The following PIP4P2 variants were observed in gnomAD, a reference collection of about 807,000 sequenced individuals.
PIP4P2 encodes phosphatidylinositol-4,5-bisphosphate 4-phosphatase 2, also known as type 2 phosphatidylinositol 4,5-bisphosphate 4-phosphatase.
PIP4P2 carries 19 observed loss-of-function variants against 33.3 expected under a neutral mutation model. That is an observed-to-expected ratio of 0.57 (90% CI 0.40 to 0.84). The LOEUF (loss-of-function observed/expected upper bound fraction) is 0.84. PIP4P2 is among the 40% of genes least tolerant of loss of function. PIP4P2 has a pLI of 0.00. For missense variants in PIP4P2, 270 were observed against 324.7 expected (o/e 0.83, Z 1.29); for synonymous variants, 110 against 111.9 (o/e 0.98, Z 0.11).
chr8:91,003,158 T>C (rs1811722007), intron 5 of PIP4P2, among the ~76,000 whole-genome samples: 1 of 152,186 alleles, frequency 6.6e-6, no homozygotes, highest in Admixed American at 6.6e-5. Context: ...CACAACTGTA[T>C]GCCATGGCTA....
intron 6 of PIP4P2, 25 bp downstream of exon 6, chr8:90,996,629 T>C (rs1004642156): frequency 1.1e-5 from 17 of 1,581,084 alleles, no homozygotes; most frequent in Non-Finnish European, 1.2e-5. Context: ...AGGACAGAAT[T>C]CTAACATCAA....
intron 5 of PIP4P2, among the ~76,000 whole-genome samples, chr8:90,997,779 A>G (rs1451425100): frequency 6.6e-6 from 1 of 152,108 alleles, no homozygotes; most frequent in Non-Finnish European, 1.5e-5. Flanking sequence ...CCTCTCAAAG[A>G]ATGTCTGATG....
intron 4 of PIP4P2, among the ~76,000 whole-genome samples, chr8:91,015,228 C>A (rs1384751938): frequency 6.6e-6 from 1 of 152,036 alleles, no homozygotes; most frequent in Admixed American, 6.6e-5. Flanking sequence ...AGGATCTTTC[C>A]CCAGAGAAAT....
intron 1 of PIP4P2, among the ~76,000 whole-genome samples, chr8:91,033,404 G>A: frequency 6.6e-6 from 1 of 151,964 alleles, no homozygotes; most frequent in Non-Finnish European, 1.5e-5. Flanking sequence ...TCTTTTCACT[G>A]ACTCAACCCA....
intron 1 of PIP4P2, among the ~76,000 whole-genome samples, chr8:91,031,317 A>T (rs549218190): frequency 6.6e-6 from 1 of 152,232 alleles, no homozygotes; most frequent in Non-Finnish European, 1.5e-5. Flanking sequence ...GATATGTCCA[A>T]TGGTCTAAAA....
chr8:91,016,505 G>T (rs556379353), intron 4 of PIP4P2: 13 of 152,212 alleles, frequency 8.5e-5, no homozygotes, highest in Non-Finnish European at 7.4e-5. Context: ...CATCAACAAT[G>T]GAACAAAGAC....
chr8:91,002,810 C>T (rs1811716243), intron 5 of PIP4P2, among the ~76,000 whole-genome samples: 1 of 152,104 alleles, frequency 6.6e-6, no homozygotes, highest in Non-Finnish European at 1.5e-5. Context: ...GTAGCCAGGC[C>T]ATTCTAGGTC....
At chr8:91,009,018 G>T (rs777835810) in intron 4 of PIP4P2, among the ~76,000 whole-genome samples, 2 of 151,972 alleles carry the variant, frequency 1.3e-5, no homozygotes, top group Non-Finnish European at 2.9e-5. Context: ...ATGCTCTGAC[G>T]CAATCTAGGT....
At position 90,995,491 on chromosome 8, in the gene PIP4P2, G is replaced by C; in HGVS notation, c.*186C>G. The C allele has an allele frequency of 1.8e-6, 1 of 551,508 alleles. No individual in the cohort carries two copies. Among genetic ancestry groups the C allele is most frequent in the Non-Finnish European group, 2.7e-6 (1 of 371,134 alleles). 34.2% of individuals were successfully genotyped at this position (551,508 alleles called of 1,614,324 possible). On this transcript the variant is annotated 3_prime_UTR_variant, in exon 7 of 7. Transcript: ENST00000285419. ...TTATTATTCAAATTTTGAAAACCTAGCAGCAAAACAATTTGCATATAATAT... is the reference window on the plus strand; with the variant it reads ...TTATTATTCAAATTTTGAAAACCTACCAGCAAAACAATTTGCATATAATAT...
At chr8:91,012,043 T>G (rs187378274) in intron 4 of PIP4P2, among the ~76,000 whole-genome samples, 394 of 152,112 alleles carry the variant, frequency 2.6e-3, no homozygotes, top group Admixed American at 5.8e-3. Flanking sequence ...AGCTCATTAT[T>G]TCAGGAAAAG....
chr8:91,016,806 G>A (rs1811921301), intron 4 of PIP4P2: 1 of 152,156 alleles, frequency 6.6e-6, no homozygotes, highest in African/African-American at 2.4e-5. Flanking sequence ...GCCTAAATAA[G>A]AGATTCCTTG....
intron 4 of PIP4P2, among the ~76,000 whole-genome samples, chr8:91,014,856 T>C (rs889208654): frequency 1.3e-5 from 2 of 151,680 alleles, no homozygotes; most frequent in African/African-American, 4.8e-5. Context: ...CATTTCACAG[T>C]ATAGACGTAT....
chr8:91,033,206 C>A (rs1249556991), intron 1 of PIP4P2, among the ~76,000 whole-genome samples: 1 of 152,164 alleles, frequency 6.6e-6, no homozygotes, highest in Non-Finnish European at 1.5e-5. Flanking sequence ...CAACAAACTG[C>A]CTAATTCACA....
intron 3 of PIP4P2, among the ~76,000 whole-genome samples, chr8:91,019,385 C>T (rs1466893246): frequency 1.0e-5 from 1 of 98,324 alleles, no homozygotes; most frequent in East Asian, 2.5e-4. Context: ...ATGGTGAAAC[C>T]CTGTCTCTAC....
At position 90,995,645 on chromosome 8, in the gene PIP4P2, C is replaced by T. The variant is rs1158049999; in HGVS notation, c.*32G>A. On this transcript the variant is annotated 3_prime_UTR_variant, in exon 7 of 7. Transcript: ENST00000285419. ...GTAGCTTACCAAGAACTGCTAGACACTCTCACCTGCATTACTGAATCATAA... is the reference window on the plus strand; with the variant it reads ...GTAGCTTACCAAGAACTGCTAGACATTCTCACCTGCATTACTGAATCATAA... The T allele has an allele frequency of 1.9e-6, 3 of 1,596,540 alleles. No homozygotes were observed. Among genetic ancestry groups the T allele is most frequent in the Non-Finnish European group, 2.6e-6 (3 of 1,174,002 alleles).
chr8:91,032,999 A>C (rs1447832517), intron 1 of PIP4P2, among the ~76,000 whole-genome samples: 2 of 152,112 alleles, frequency 1.3e-5, no homozygotes, highest in African/African-American at 4.8e-5. Flanking sequence ...TGCATTTGGC[A>C]AACCTTCCAA....
chr8:91,006,562 A>G (rs1472705716), intron 5 of PIP4P2, among the ~76,000 whole-genome samples: 1 of 152,220 alleles, frequency 6.6e-6, no homozygotes, highest in African/African-American at 2.4e-5. Flanking sequence ...GCTGATTTGT[A>G]AAATTACAAA....
intron 1 of PIP4P2, among the ~76,000 whole-genome samples, chr8:91,022,228 T>C (rs1812020296): frequency 6.6e-6 from 1 of 152,140 alleles, no homozygotes; most frequent in Admixed American, 6.5e-5. Flanking sequence ...AAGGTCATAG[T>C]TTCACACTAC....
intron 1 of PIP4P2, chr8:91,024,229 A>G: frequency 2.8e-6 from 1 of 362,372 alleles, no homozygotes; most frequent in South Asian, 2.2e-5. Flanking sequence ...TTCAGCCTTA[A>G]ACTGATTTAG....
Sources: allele counts gnomAD v4.1 joint callset (sites outside exome capture counted in the v4.1 genomes callset), GRCh38; gene constraint gnomAD v4.1.1; transcripts MANE v1.5; gene names NCBI Gene and HGNC (gene_info 2026-07-23, HGNC 2026-07-21).